Variants in PRKCE observed in about 807,000 individuals in gnomAD.
The protein encoded by PRKCE is protein kinase C epsilon.
Under a neutral mutation model 85.4 loss-of-function variants are expected in PRKCE, and 16 were observed. The observed-to-expected ratio is 0.19, with a 90% CI of 0.13 to 0.28. PRKCE has a LOEUF of 0.28. Among genes scored for constraint, PRKCE ranks in the 10% least tolerant of loss-of-function variants. The pLI is 1.00. For synonymous variants in PRKCE, 388 were observed against 371.5 expected, an observed-to-expected ratio of 1.04 and a Z score of -0.51; for missense variants, 573 against 975.2, an observed-to-expected ratio of 0.59 and a Z score of 5.49.
chr2:45,798,673 T>A (rs1210035179), intron 1 of PRKCE, among the ~76,000 whole-genome samples: 1 of 152,194 alleles, frequency 6.6e-6, no homozygotes, highest in Non-Finnish European at 1.5e-5. Flanking sequence ...TAATTTTCAT[T>A]GTTTTGATCA....
At chr2:45,921,245 G>C (rs1293746144) in intron 2 of PRKCE, among the ~76,000 whole-genome samples, 1 of 152,214 alleles carries the variant, frequency 6.6e-6, no homozygotes, top group Non-Finnish European at 1.5e-5. Flanking sequence ...GGGAAGAGGA[G>C]ACTTGTCCAG....
intron 2 of PRKCE, among the ~76,000 whole-genome samples, chr2:45,893,095 A>C (rs976644708): frequency 5.3e-5 from 8 of 152,166 alleles, no homozygotes; most frequent in Non-Finnish European, 1.2e-4. Flanking sequence ...GGCCATATTC[A>C]CAGCAAAGTT....
intron 11 of PRKCE, among the ~76,000 whole-genome samples, chr2:46,103,567 G>A (rs72877793): frequency 7.9e-5 from 12 of 152,170 alleles, no homozygotes; most frequent in African/African-American, 2.2e-4. Flanking sequence ...GAGTGAGTGA[G>A]CAAATATAAA....
intron 13 of PRKCE, among the ~76,000 whole-genome samples, chr2:46,156,368 G>A (rs1677204682): frequency 6.6e-6 from 1 of 151,306 alleles, no homozygotes; most frequent in Non-Finnish European, 1.5e-5. Context: ...GCTTCTCTCA[G>A]GGAGTTCATC....
Position 46,138,078 on chromosome 2 carries a change from A to G in PRKCE, c.1593-7015A>G, listed in dbSNP as rs1242057597. ...TTTCTTTCCTGCTCAGATAGGTTTT[A>G]TAGAATATTTTAAAAGTACATTGTT... On this transcript the variant is annotated intron_variant, in intron 11 of 14. Transcript: ENST00000306156. This position sits in a 1 kb window ranked among gnomAD's most constrained non-coding sequence, Gnocchi z 4.2. Among the ~76,000 whole-genome samples the G allele has an allele frequency of 2.0e-5, 3 of 152,152 alleles. No individual in the cohort carries two copies. Among genetic ancestry groups the G allele is most frequent in the Non-Finnish European group, 2.9e-5 (2 of 68,028 alleles).
chr2:45,666,216 T>A (rs1431753452), intron 1 of PRKCE, among the ~76,000 whole-genome samples: 1 of 152,234 alleles, frequency 6.6e-6, no homozygotes, highest in African/African-American at 2.4e-5. Flanking sequence ...GCCTGAGTAC[T>A]AATTCATGGA....
At chr2:46,074,744 G>C (rs1178974447) in intron 10 of PRKCE, among the ~76,000 whole-genome samples, 2 of 152,200 alleles carry the variant, frequency 1.3e-5, no homozygotes. Context: ...TGGAGACCAG[G>C]GAGACGCTTT....
chr2:46,138,036 A>G lies in PRKCE; in HGVS notation c.1593-7057A>G, dbSNP rs1309150901. 2.0e-5 allele frequency among the ~76,000 whole-genome samples: 3 copies of G among 152,200 alleles called. No homozygotes were observed. Among genetic ancestry groups the G allele is most frequent in the South Asian group, 2.1e-4 (1 of 4,826 alleles). ...AACTTTTTGTTTTTCCCCTGAGACT[A>G]TTACTGCTAGGACTTATTTCTTTCC... On this transcript the variant is annotated intron_variant, in intron 11 of 14. Transcript: ENST00000306156. The surrounding 1 kb of genome is among the most constrained non-coding windows in gnomAD (Gnocchi z 4.2).
Position 46,184,707 on chromosome 2 carries a change from C to G in PRKCE, c.2068-28C>G. On this transcript the variant is annotated intron_variant, in intron 14 of 14. Transcript: ENST00000306156. This position sits in a 1 kb window ranked among gnomAD's most constrained non-coding sequence, Gnocchi z 5.0. ...CCCTCAGGAGGGAGAGCAGCCTCAA[C>G]TCACCACTTTCTCTTTTCTTCCCAC... The G allele has an allele frequency of 6.3e-7, 1 of 1,597,358 alleles. No individual in the cohort carries two copies.
Position 46,011,066 on chromosome 2 carries a change from A to T in PRKCE, c.1437+549A>T, listed in dbSNP as rs1249145659. Reference sequence around the variant, plus strand: ...GGCAGTAAAGAAACAAAGATAATCCATAACTCCATGGTAGAGTCTGACTCG... The same window carrying T: ...GGCAGTAAAGAAACAAAGATAATCCTTAACTCCATGGTAGAGTCTGACTCG... On this transcript the variant is annotated intron_variant, in intron 10 of 14. Coordinates refer to ENST00000306156, the MANE Select transcript of PRKCE (RefSeq NM_005400.3). 9 of 663,366 alleles carry T rather than the reference A, an allele frequency of 1.4e-5. No individual in the cohort carries two copies. The South Asian group carries it at 2.8e-4, about 20-fold the overall frequency. 41.1% of individuals were successfully genotyped at this position (663,366 alleles called of 1,614,324 possible).
intron 1 of PRKCE, among the ~76,000 whole-genome samples, chr2:45,842,102 A>C (rs1328149023): frequency 6.6e-6 from 1 of 152,134 alleles, no homozygotes; most frequent in Non-Finnish European, 1.5e-5. Flanking sequence ...TTCTGTAAGG[A>C]TAGTTCAGTC....
In PRKCE at chr2:45,774,576, C is replaced by T. The variant is rs180916147; in HGVS notation, c.349-68424C>T. 6.6e-6 allele frequency among the ~76,000 whole-genome samples: 1 copy of T among 152,228 alleles called. No individual in the cohort carries two copies. Among genetic ancestry groups the T allele is most frequent in the African/African-American group, 2.4e-5 (1 of 41,552 alleles). ...AAGCTGAATGCCAGGAATCGGGTGG[C>T]TTTTGGTGTGACTGTACAGAGCAGG... On this transcript the variant is annotated intron_variant, in intron 1 of 14. Coordinates refer to ENST00000306156, the MANE Select transcript of PRKCE (RefSeq NM_005400.3). The surrounding 1 kb of genome is among the most constrained non-coding windows in gnomAD (Gnocchi z 4.3).
chr2:46,179,423 C>G (rs1224433334), intron 14 of PRKCE, among the ~76,000 whole-genome samples: 1 of 152,162 alleles, frequency 6.6e-6, no homozygotes, highest in Non-Finnish European at 1.5e-5. Context: ...GAGGCAGGCC[C>G]AGTCTCTGAG....
chr2:45,933,972 A>G (rs1699253568), intron 2 of PRKCE, among the ~76,000 whole-genome samples: 1 of 152,134 alleles, frequency 6.6e-6, no homozygotes, highest in African/African-American at 2.4e-5. Flanking sequence ...GTTGCATGTG[A>G]ATTTTATCCA....
chr2:45,899,057 A>G (rs1394608047), intron 2 of PRKCE, among the ~76,000 whole-genome samples: 1 of 152,236 alleles, frequency 6.6e-6, no homozygotes, highest in East Asian at 1.9e-4. Context: ...AGACTGTCCA[A>G]TAGGCCATAG....
At chr2:45,811,637 A>C (rs572900243) in intron 1 of PRKCE, among the ~76,000 whole-genome samples, 165 of 152,346 alleles carry the variant, frequency 1.1e-3, no homozygotes, top group Middle Eastern at 0.01. Flanking sequence ...TCTAAAAAAC[A>C]CTGAAGTTGA....
chr2:45,771,702 CGTGT>C lies in PRKCE; in HGVS notation c.349-71266_349-71263del, dbSNP rs61209033. On this transcript the variant is annotated intron_variant, in intron 1 of 14. Coordinates refer to ENST00000306156, the MANE Select transcript of PRKCE (RefSeq NM_005400.3). ...CGTGGAGTGACTCTACAGAGTGGGG[CGTGT>C]GTGTGTGTGTGTGTGTGTGTGTGTG... Among the ~76,000 whole-genome samples the C allele has an allele frequency of 5.2e-3, 764 of 146,912 alleles. 3 individuals are homozygous for C. Among genetic ancestry groups the C allele is most frequent in the African/African-American group, 9.7e-3 (381 of 39,346 alleles).
In PRKCE at chr2:46,120,823, C is replaced by T. The variant is rs77588003; in HGVS notation, c.1593-24270C>T. Among the ~76,000 whole-genome samples the T allele has an allele frequency of 1.8e-4, 27 of 152,280 alleles. No homozygotes were observed. The East Asian group carries it at 3.5e-3, about 20-fold the overall frequency. On this transcript the variant is annotated intron_variant, in intron 11 of 14. Transcript: ENST00000306156. ...GAGGCTTGTCTTCTTTTCCTGTCAACGTTAAGTCAAGAAGTATATTTAATC... is the reference window on the plus strand; with the variant it reads ...GAGGCTTGTCTTCTTTTCCTGTCAATGTTAAGTCAAGAAGTATATTTAATC...
chr2:46,065,371 ATC>A (rs1399208068), intron 10 of PRKCE, among the ~76,000 whole-genome samples: 3 of 152,162 alleles, frequency 2.0e-5, no homozygotes, highest in African/African-American at 7.2e-5. Context: ...TCTTAAAATA[ATC>A]TGTTTCCCAA....
Sources: gnomAD v4.1 joint callset for allele counts (sites outside exome capture counted in the v4.1 genomes callset) on GRCh38, gnomAD v4.1.1 for gene constraint, Gnocchi (gnomAD v3.1) non-coding constraint, MANE v1.5 for transcripts, NCBI Gene and HGNC (gene_info 2026-07-23, HGNC 2026-07-21) for gene names.